The following INTS2 variants were observed in gnomAD, a reference collection of about 807,000 sequenced individuals.
The protein encoded by INTS2 is integrator complex subunit 2.
A neutral mutation model predicts 139.6 loss-of-function variants in INTS2; 57 were observed. The ratio of observed to expected loss-of-function variants is 0.41; its 90% confidence interval spans 0.33 to 0.51. The LOEUF is 0.51. Among genes scored for constraint, INTS2 ranks in the 20% least tolerant of loss-of-function variants. The pLI is 0.28. For missense variants in INTS2, 1,196 were observed against 1,436.7 expected, an observed-to-expected ratio of 0.83 and a Z score of 2.71; for synonymous variants, 473 against 493.4, an observed-to-expected ratio of 0.96 and a Z score of 0.55.
At chr17:61,926,693 G>GT (rs1452205615) in intron 1 of INTS2, 31 bp from the exon 2 acceptor site, 2 of 1,535,876 alleles carry the variant, frequency 1.3e-6, no homozygotes. Flanking sequence ...GAAAGTAGGA[G>GT]TTTAACTTTC....
At chr17:61,887,703 T>G (rs975039132) in intron 15 of INTS2, among the ~76,000 whole-genome samples, 2 of 152,034 alleles carry the variant, frequency 1.3e-5, no homozygotes, top group African/African-American at 4.8e-5. Context: ...TGTGAGAATA[T>G]ACAGAAATTC....
At chr17:61,919,933 A>G (rs185252008) in intron 4 of INTS2, among the ~76,000 whole-genome samples, 1 of 152,176 alleles carries the variant, frequency 6.6e-6, no homozygotes, top group East Asian at 1.9e-4. Context: ...ATCTTTTGAC[A>G]TTTCACAAAT....
rs952552134 is a variant in INTS2, at chr17:61,873,814, C to T, written c.2582+1099G>A. On this transcript the variant is annotated intron_variant, in intron 19 of 24. Coordinates refer to ENST00000251334, the MANE Select transcript of INTS2 (RefSeq NM_001351695.2). This position sits in a 1 kb window ranked among gnomAD's most constrained non-coding sequence, Gnocchi z 4.0. ...ACTAGTTTCTCTCTCCTCTAATCCACCTAGCACAAAGCATCTTTTCCTAAG... is the reference window on the plus strand; with the variant it reads ...ACTAGTTTCTCTCTCCTCTAATCCATCTAGCACAAAGCATCTTTTCCTAAG... Among the ~76,000 whole-genome samples the T allele has an allele frequency of 3.9e-5, 6 of 152,196 alleles. No individual in the cohort carries two copies. The highest frequency in any genetic ancestry group is 1.3e-4 in the Admixed American group (2 of 15,278).
chr17:61,907,665 A>G, intron 7 of INTS2, 31 bp from the exon 8 acceptor site: 1 of 1,520,854 alleles, frequency 6.6e-7, no homozygotes, highest in South Asian at 1.2e-5. Flanking sequence ...AAAAGGAAGA[A>G]AGCATGAAGC....
chr17:61,880,023 A>G (rs2079163759), intron 17 of INTS2, among the ~76,000 whole-genome samples: 1 of 152,068 alleles, frequency 6.6e-6, no homozygotes, highest in African/African-American at 2.4e-5. Flanking sequence ...AACATTCTCC[A>G]TTACATAGTC....
chr17:61,906,963 C>CAAA (rs34773307), intron 8 of INTS2, among the ~76,000 whole-genome samples: 6,695 of 79,888 alleles, frequency 0.084, 1,478 homozygotes, highest in African/African-American at 0.29. Context: ...GATTCCATCT[C>CAAA]AAAAAAAAAA....
At chr17:61,880,824 AG>A (rs1216177813) in intron 17 of INTS2, among the ~76,000 whole-genome samples, 182 bp downstream of exon 17, 22 of 101,434 alleles carry the variant, frequency 2.2e-4, no homozygotes, top group African/African-American at 8.4e-4. Context: ...AAAGGAGGAA[AG>A]GGGGGAGGGG....
chr17:61,902,150 C>T (rs948979921), intron 9 of INTS2, among the ~76,000 whole-genome samples: 17 of 151,986 alleles, frequency 1.1e-4, no homozygotes, highest in African/African-American at 4.1e-4. Flanking sequence ...TATAGAAACT[C>T]GTAGGATTAG....
At chr17:61,885,190 T>C (rs2079214915) in intron 15 of INTS2, 185 bp from the exon 16 acceptor site, 1 of 565,628 alleles carries the variant, frequency 1.8e-6, no homozygotes, top group Non-Finnish European at 3.1e-6. Flanking sequence ...AACAAGAACA[T>C]ACCTGGAGCA....
At position 61,876,479 on chromosome 17, in the gene INTS2, T is replaced by C. The variant is rs886185069; in HGVS notation, c.2456+1408A>G. 1.3e-5 allele frequency among the ~76,000 whole-genome samples: 2 copies of C among 152,036 alleles called. No homozygotes were observed. Among genetic ancestry groups the C allele is most frequent in the African/African-American group, 4.8e-5 (2 of 41,442 alleles). ...AAAATAGTGTTTCTTTTGTTTTTTT[T>C]TGAGACAGGGTTTCAGTGGCACGAT... On this transcript the variant is annotated intron_variant, in intron 18 of 24. Coordinates refer to ENST00000251334, the MANE Select transcript of INTS2 (RefSeq NM_001351695.2). The surrounding 1 kb of genome is among the most constrained non-coding windows in gnomAD (Gnocchi z 4.1).
chr17:61,918,469 T>C (rs2143150370), intron 5 of INTS2, among the ~76,000 whole-genome samples: 1 of 152,246 alleles, frequency 6.6e-6, no homozygotes, highest in South Asian at 2.1e-4. Context: ...CTCAAACTCC[T>C]GGCCTGAAAT....
chr17:61,880,352 G>T (rs2079166893), intron 17 of INTS2, among the ~76,000 whole-genome samples: 1 of 152,038 alleles, frequency 6.6e-6, no homozygotes, highest in Admixed American at 6.6e-5. Context: ...GGCCTACACT[G>T]CACTTATTTC....
chr17:61,878,942 A>AACAAAC (rs1233022859), intron 17 of INTS2, among the ~76,000 whole-genome samples: 72 of 150,414 alleles, frequency 4.8e-4, no homozygotes, highest in African/African-American at 1.7e-3. Context: ...AAAAAAAAAA[A>AACAAAC]AAAAAAAAAA....
intron 9 of INTS2, among the ~76,000 whole-genome samples, chr17:61,901,580 T>TC (rs2079406243): frequency 1.3e-4 from 3 of 23,972 alleles, no homozygotes; most frequent in South Asian, 8.4e-3. Flanking sequence ...ATGATTTCTT[T>TC]TTTTTTTTTT....
In INTS2 at chr17:61,867,215, T is replaced by C. The variant is rs968357435; in HGVS notation, c.*342A>G. 1 of 159,244 alleles carries C rather than the reference T, an allele frequency of 6.3e-6. No individual in the cohort carries two copies. Among genetic ancestry groups the C allele is most frequent in the African/African-American group, 2.4e-5 (1 of 41,742 alleles). The allele number at this position is 159,244 out of a possible 1,614,324, so 9.9% of individuals were successfully genotyped here. A position where few individuals can be genotyped will look rare whatever the true frequency, so the allele number is the denominator to read the frequency against. Reference sequence around the variant, plus strand: ...CTAGGGCTACCCACAGACTCATTTTTATAAGAAATTAAAGGCATGGCAGTC... The same window carrying C: ...CTAGGGCTACCCACAGACTCATTTTCATAAGAAATTAAAGGCATGGCAGTC... On this transcript the variant is annotated 3_prime_UTR_variant, in exon 25 of 25. Coordinates refer to ENST00000251334, the MANE Select transcript of INTS2 (RefSeq NM_001351695.2). The surrounding 1 kb of genome is among the most constrained non-coding windows in gnomAD (Gnocchi z 5.6).
At chr17:61,890,625 A>T (rs1450091531) in intron 14 of INTS2, among the ~76,000 whole-genome samples, 1 of 151,016 alleles carries the variant, frequency 6.6e-6, no homozygotes, top group African/African-American at 2.4e-5. Flanking sequence ...AAAAAAAAAA[A>T]ATCCCCCTAA....
Position 61,869,467 on chromosome 17 carries a change from T to G in INTS2, c.3031-87A>C. The G allele has an allele frequency of 9.2e-7, 1 of 1,089,102 alleles. No homozygotes were observed. The highest frequency in any genetic ancestry group is 1.3e-6 in the Non-Finnish European group (1 of 749,132). 67.5% of individuals were successfully genotyped at this position (1,089,102 alleles called of 1,614,324 possible). On this transcript the variant is annotated intron_variant, in intron 21 of 24. Transcript: ENST00000251334. This position sits in a 1 kb window ranked among gnomAD's most constrained non-coding sequence, Gnocchi z 5.4. ...AATACAAATGAAAGATTTCATTTCC[T>G]TTCTGTAAAAATTGCTCAGAAGGCT...
intron 5 of INTS2, among the ~76,000 whole-genome samples, chr17:61,913,002 G>C (rs910045839): frequency 1.3e-5 from 2 of 151,044 alleles, no homozygotes; most frequent in African/African-American, 4.9e-5. Flanking sequence ...CTTGAACCCG[G>C]GAGGTGGAAG....
At chr17:61,905,450 C>T (rs2079451909) in intron 8 of INTS2, among the ~76,000 whole-genome samples, 1 of 152,164 alleles carries the variant, frequency 6.6e-6, no homozygotes, top group Non-Finnish European at 1.5e-5. Context: ...CCTCAGACTC[C>T]TGAGTAGCTG....
Sources: gnomAD v4.1 joint callset for allele counts (sites outside exome capture counted in the v4.1 genomes callset) on GRCh38, gnomAD v4.1.1 for gene constraint, Gnocchi (gnomAD v3.1) non-coding constraint, MANE v1.5 for transcripts, NCBI Gene and HGNC (gene_info 2026-07-23, HGNC 2026-07-21) for gene names.